Variants in TBL1X observed in about 807,000 individuals in gnomAD.
The protein encoded by TBL1X is transducin beta like 1 X-linked, also known as F-box-like/WD repeat-containing protein TBL1X.
Under a neutral mutation model 50.7 loss-of-function variants are expected in TBL1X, and 10 were observed. That is an observed-to-expected ratio of 0.20 (90% confidence interval 0.12 to 0.33). TBL1X has a LOEUF of 0.33. TBL1X is among the 10% of genes least tolerant of loss of function. The pLI is 1.00. For synonymous variants in TBL1X, 190 were observed against 214.7 expected (o/e 0.88, Z 1.01); for missense variants, 340 against 504.4 (o/e 0.67, Z 3.12).
intron 5 of TBL1X, among the ~76,000 whole-genome samples, chrX:9,659,801 A>G (rs1211863701): frequency 1.8e-5 from 2 of 112,177 alleles, no homozygotes; most frequent in Non-Finnish European, 3.8e-5. Context: ...ACTGGAAAGT[A>G]TGTAAAGGGA....
intron 1 of TBL1X, among the ~76,000 whole-genome samples, chrX:9,480,553 C>G (rs2081875864): frequency 9.1e-6 from 1 of 110,077 alleles, no homozygotes. Flanking sequence ...GAGAGAGGAG[C>G]CTCATACTGT....
intron 2 of TBL1X, among the ~76,000 whole-genome samples, chrX:9,514,141 A>G (rs1339551152): frequency 1.8e-5 from 2 of 111,615 alleles, no homozygotes; most frequent in Non-Finnish European, 3.8e-5. Flanking sequence ...TAAGCATCCT[A>G]CCGTGCACAG....
intron 2 of TBL1X, among the ~76,000 whole-genome samples, chrX:9,591,035 C>T (rs1410476806): frequency 9.1e-6 from 1 of 109,997 alleles, no homozygotes. Flanking sequence ...AGTAATCTAC[C>T]AGGGACGACC....
At chrX:9,557,120 G>A (rs768917910) in intron 2 of TBL1X, among the ~76,000 whole-genome samples, 1 of 112,064 alleles carries the variant, frequency 8.9e-6, no homozygotes, top group Non-Finnish European at 1.9e-5. Flanking sequence ...CACCTTGGGT[G>A]GGGATGGACC....
intron 5 of TBL1X, among the ~76,000 whole-genome samples, chrX:9,682,701 C>T (rs2083032684): frequency 8.9e-6 from 1 of 112,012 alleles, no homozygotes; most frequent in South Asian, 3.7e-4. Flanking sequence ...AAGCCGGCTG[C>T]CACTGCCCCT....
chrX:9,596,011 TG>T (rs1569069369), intron 2 of TBL1X, among the ~76,000 whole-genome samples: 1 of 112,500 alleles, frequency 8.9e-6, no homozygotes, highest in Non-Finnish European at 1.9e-5. Context: ...ACAGAAATTT[TG>T]TAAGTGTGTT....
intron 3 of TBL1X, chrX:9,645,417 A>C (rs1417734897): frequency 8.9e-6 from 1 of 112,168 alleles, no homozygotes; most frequent in African/African-American, 3.2e-5. Context: ...GAAACTATAC[A>C]ACGTGTAGAA....
chrX:9,550,379 C>T (rs1327575773), intron 2 of TBL1X, among the ~76,000 whole-genome samples: 1 of 112,198 alleles, frequency 8.9e-6, no homozygotes, highest in Non-Finnish European at 1.9e-5. Context: ...ATGATATTTA[C>T]GTAACCTACA....
At chrX:9,472,709 C>G (rs996289646) in intron 1 of TBL1X, among the ~76,000 whole-genome samples, 1 of 110,015 alleles carries the variant, frequency 9.1e-6, no homozygotes, top group Non-Finnish European at 1.9e-5. Context: ...GTCAGGAGAT[C>G]GAGACCATTC....
chrX:9,686,717 G>A (rs974965493), intron 6 of TBL1X, among the ~76,000 whole-genome samples: 2 of 112,180 alleles, frequency 1.8e-5, no homozygotes, highest in Non-Finnish European at 3.8e-5. Flanking sequence ...AAGAGAGACA[G>A]TGTGCCCGCG....
At chrX:9,474,110 T>C (rs2081834473) in intron 1 of TBL1X, among the ~76,000 whole-genome samples, 1 of 112,841 alleles carries the variant, frequency 8.9e-6, no homozygotes, top group South Asian at 3.6e-4. Context: ...GCAAGATTTA[T>C]TGGGATGCAG....
chrX:9,567,645 C>T (rs996387466), intron 2 of TBL1X, among the ~76,000 whole-genome samples: 28 of 112,298 alleles, frequency 2.5e-4, no homozygotes, highest in Admixed American at 6.6e-4. Context: ...GTGGCCCCTT[C>T]TTCCCTCGGA....
chrX:9,544,618 A>G (rs1353853618), intron 2 of TBL1X, among the ~76,000 whole-genome samples: 2 of 112,073 alleles, frequency 1.8e-5, no homozygotes, highest in Non-Finnish European at 3.8e-5. Context: ...GCTGAAGTGC[A>G]ATGGTGCGAT....
rs769582276 is a variant in TBL1X, at chrX:9,621,522, C to A, written c.-130-18751C>A. On this transcript the variant is annotated intron_variant, in intron 2 of 17. Transcript: ENST00000645353. ...ACTAGGAATTTTGCTTAACTTCTAT[C>A]CTCCTGTCCTTTTTTTCTGACTCTG... is the stretch of plus-strand genomic sequence containing the variant. Among the ~76,000 whole-genome samples the A allele has an allele frequency of 2.8e-3, 316 of 111,684 alleles. 1 individual carries two copies. Among genetic ancestry groups the A allele is most frequent in the African/African-American group, 0.01 (308 of 30,672 alleles).
intron 2 of TBL1X, among the ~76,000 whole-genome samples, chrX:9,529,837 C>T (rs1445812107): frequency 2.7e-5 from 3 of 109,314 alleles, no homozygotes; most frequent in Non-Finnish European, 5.7e-5. Context: ...GTCCCAGCTA[C>T]TCAGGAGGCT....
At chrX:9,575,701 C>T (rs940986021) in intron 2 of TBL1X, among the ~76,000 whole-genome samples, 2 of 112,043 alleles carry the variant, frequency 1.8e-5, no homozygotes, top group South Asian at 3.7e-4. Context: ...ACTTACTACA[C>T]GATTGGCTAA....
intron 2 of TBL1X, among the ~76,000 whole-genome samples, chrX:9,565,066 C>A (rs751983879): frequency 3.0e-4 from 33 of 108,888 alleles, no homozygotes; most frequent in African/African-American, 1.1e-3. Context: ...GTCAGGAGAT[C>A]GAGACCATCC....
intron 2 of TBL1X, among the ~76,000 whole-genome samples, chrX:9,542,768 C>T (rs1204652190): frequency 2.7e-5 from 3 of 111,924 alleles, no homozygotes; most frequent in African/African-American, 6.5e-5. Flanking sequence ...GTATTCTCCA[C>T]GACTGTATAT....
chrX:9,481,330 A>G (rs1311185330), intron 1 of TBL1X, among the ~76,000 whole-genome samples: 2 of 112,080 alleles, frequency 1.8e-5, no homozygotes, highest in Non-Finnish European at 3.7e-5. Flanking sequence ...TGTTTTTCAG[A>G]GTCCAGAAAA....
Sources: gnomAD v4.1 joint callset for allele counts (sites outside exome capture counted in the v4.1 genomes callset) on GRCh38, gnomAD v4.1.1 for gene constraint, MANE v1.5 for transcripts, NCBI Gene and HGNC (gene_info 2026-07-23, HGNC 2026-07-21) for gene names.